Variants in PLCZ1 observed in about 807,000 individuals in gnomAD.
The protein encoded by PLCZ1 is phospholipase C zeta 1, also known as 1-phosphatidylinositol 4,5-bisphosphate phosphodiesterase zeta-1.
Under a neutral mutation model 76.8 loss-of-function variants are expected in PLCZ1, and 64 were observed. The ratio of observed to expected loss-of-function variants is 0.83; its 90% CI spans 0.68 to 1.03. The LOEUF (loss-of-function observed/expected upper bound fraction) is 1.03. PLCZ1 is among the 50% of genes least tolerant of loss of function. The pLI is 0.00. For synonymous variants in PLCZ1, 248 were observed against 230.8 expected, an observed-to-expected ratio of 1.07 and a Z score of -0.68; for missense variants, 751 against 713.7, an observed-to-expected ratio of 1.05 and a Z score of -0.60.
the PLCZ1 span, among the ~76,000 whole-genome samples, chr12:18,675,308 C>G: frequency 6.6e-6 from 1 of 152,152 alleles, no homozygotes; most frequent in Non-Finnish European, 1.5e-5. Flanking sequence ...TTTCAAGCCA[C>G]TCTGTTTTGG....
the PLCZ1 span, among the ~76,000 whole-genome samples, chr12:18,647,675 G>A: frequency 6.6e-6 from 1 of 151,918 alleles, no homozygotes; most frequent in Non-Finnish European, 1.5e-5. Flanking sequence ...TACAAAAATA[G>A]CCTGTCATTA....
At chr12:18,719,343 T>C in intron 5 of PLCZ1, 88 bp downstream of exon 5, 1 of 693,034 alleles carries the variant, frequency 1.4e-6, no homozygotes. Context: ...GTCTTCTTTT[T>C]ATTGTGCACT....
At chr12:18,648,135 G>T in the PLCZ1 span, 2 of 534,808 alleles carry the variant, frequency 3.7e-6, no homozygotes, top group South Asian at 5.2e-5. Context: ...GACAGCACAG[G>T]GTATTAAGGA....
At chr12:18,689,785 G>A (rs529270926) in intron 12 of PLCZ1, among the ~76,000 whole-genome samples, 1 of 152,278 alleles carries the variant, frequency 6.6e-6, no homozygotes, top group East Asian at 1.9e-4. Flanking sequence ...GTGACGAAGA[G>A]TAAAGCAGCA....
chr12:18,714,993 T>C (rs1239551952), intron 5 of PLCZ1: 1 of 151,842 alleles, frequency 6.6e-6, no homozygotes, highest in South Asian at 2.1e-4. Context: ...ATGGGCCATA[T>C]GAGAAAATGA....
chr12:18,713,925 A>G (rs763744820), intron 5 of PLCZ1: 3 of 152,208 alleles, frequency 2.0e-5, no homozygotes, highest in Non-Finnish European at 2.9e-5. Flanking sequence ...TTCAGTGTTC[A>G]TACTACAAGA....
the PLCZ1 span, among the ~76,000 whole-genome samples, chr12:18,669,559 C>A: frequency 2.0e-5 from 3 of 152,156 alleles, no homozygotes; most frequent in Non-Finnish European, 2.9e-5. Flanking sequence ...TCCAATCCAG[C>A]AGATTCAGTT....
the PLCZ1 span, among the ~76,000 whole-genome samples, chr12:18,655,793 A>G: frequency 6.9e-6 from 1 of 145,204 alleles, no homozygotes; most frequent in Admixed American, 7.1e-5. Flanking sequence ...CCAATTGACA[A>G]CATTCTACCA....
At chr12:18,670,312 A>T in the PLCZ1 span, among the ~76,000 whole-genome samples, 2 of 151,756 alleles carry the variant, frequency 1.3e-5, no homozygotes, top group Non-Finnish European at 2.9e-5. Context: ...ACACACACAC[A>T]ACATCAGAAA....
the PLCZ1 span, among the ~76,000 whole-genome samples, chr12:18,665,874 G>T: frequency 1.3e-4 from 19 of 151,154 alleles, no homozygotes; most frequent in Admixed American, 1.3e-3. Flanking sequence ...GGCAGAGGTT[G>T]CAGTGAGCCA....
intron 12 of PLCZ1, among the ~76,000 whole-genome samples, chr12:18,689,721 T>C (rs1953766813): frequency 1.3e-5 from 2 of 152,186 alleles, no homozygotes; most frequent in South Asian, 2.1e-4. Flanking sequence ...AGCAGTCCTG[T>C]AGCTTTTATA....
intron 10 of PLCZ1, among the ~76,000 whole-genome samples, chr12:18,697,411 C>A (rs529836026): frequency 1.3e-5 from 2 of 152,214 alleles, no homozygotes; most frequent in South Asian, 2.1e-4. Flanking sequence ...CTAGTCCTAA[C>A]AGATGTCTGT....
chr12:18,662,629 T>C, the PLCZ1 span, among the ~76,000 whole-genome samples: 1 of 152,148 alleles, frequency 6.6e-6, no homozygotes, highest in South Asian at 2.1e-4. Flanking sequence ...ATTTAAGATA[T>C]TAATGCATTA....
At chr12:18,650,351 G>A in the PLCZ1 span, among the ~76,000 whole-genome samples, 36,392 of 97,404 alleles carry the variant, frequency 0.37, 5,291 homozygotes, top group South Asian at 0.5. Flanking sequence ...ATATATATGT[G>A]TGTGTGTGTG....
At position 18,684,244 on chromosome 12, in the gene PLCZ1, T is replaced by G. The variant is rs551867055; in HGVS notation, c.1627A>C (p.Ile543Leu). 1 of 1,610,424 alleles carries G rather than the reference T, an allele frequency of 6.2e-7. No individual in the cohort carries two copies. The highest frequency in any genetic ancestry group is 2.2e-5 in the East Asian group (1 of 44,758). Residue 543 changes from isoleucine to leucine, a missense_variant, in exon 14 of 15, where the codon ATT (isoleucine) becomes CTT (leucine). Ile to Leu is a conservative substitution (Grantham distance 5). Transcript: ENST00000266505. ...SPRWNETFTF[I>L]IHVPELALIR... is the part of the protein sequence containing the mutation. ...AATGCCAATTCTGGGACATGAATAATAAATGTGAATGTTTCATTCCATCTT... is the reference window on the plus strand; with the variant it reads ...AATGCCAATTCTGGGACATGAATAAGAAATGTGAATGTTTCATTCCATCTT...
At chr12:18,719,252 G>T (rs1011524689) in intron 5 of PLCZ1, among the ~76,000 whole-genome samples, 179 bp downstream of exon 5, 1 of 152,118 alleles carries the variant, frequency 6.6e-6, no homozygotes, top group South Asian at 2.1e-4. Context: ...AAATTACGTT[G>T]CCACTTCATC....
intron 4 of PLCZ1, among the ~76,000 whole-genome samples, chr12:18,721,892 A>G (rs1422556542): frequency 6.6e-6 from 1 of 151,988 alleles, no homozygotes; most frequent in Non-Finnish European, 1.5e-5. Context: ...GAACCCTTCA[A>G]AATCTTTGCA....
downstream of PLCZ1, among the ~76,000 whole-genome samples, chr12:18,680,233 C>T (rs1952289774): frequency 6.6e-6 from 1 of 151,952 alleles, no homozygotes; most frequent in South Asian, 2.1e-4. Context: ...AAAGGGATTC[C>T]ATTCTCTCTG....
At chr12:18,645,723 C>T in the PLCZ1 span, among the ~76,000 whole-genome samples, 1 of 152,030 alleles carries the variant, frequency 6.6e-6, no homozygotes, top group Non-Finnish European at 1.5e-5. Context: ...CCCTATAATG[C>T]TAAAAGGTAA....
Sources: gnomAD v4.1 joint callset for allele counts (sites outside exome capture counted in the v4.1 genomes callset) on GRCh38, gnomAD v4.1.1 for gene constraint, MANE v1.5 for transcripts, NCBI Gene and HGNC (gene_info 2026-07-23, HGNC 2026-07-21) for gene names.